Variants in OR2A25 observed in about 807,000 individuals in gnomAD.
The protein encoded by OR2A25 is olfactory receptor 2A25.
For missense variants in OR2A25, 362 were observed against 368.3 expected, an observed-to-expected ratio of 0.98 and a Z score of 0.14; for synonymous variants, 162 against 148.1, an observed-to-expected ratio of 1.09 and a Z score of -0.68.
chr7:144,075,149 A>G lies in OR2A25; in HGVS notation c.930A>G (p.Ser310=). ...LKRMLEKKRT[S] is the part of the protein sequence containing the mutation. The stretch of plus-strand genomic sequence containing the variant: ...GGATGCTTGAAAAGAAGAGAACTTC[A>G]TGAAAGCCTGAAAGAATAGTAAAAT... The change falls in exon 2 of 2, where the codon TCA becomes TCG. Residue 310 remains serine (S), a synonymous_variant. Coordinates refer to ENST00000641663, the MANE Select transcript of OR2A25 (RefSeq NM_001386096.1). 1 of 1,602,924 alleles carries G rather than the reference A, an allele frequency of 6.2e-7. No individual in the cohort carries two copies. The highest frequency in any genetic ancestry group is 1.7e-5 in the Admixed American group (1 of 58,284).
chr7:144,074,361 A>G lies in OR2A25; in HGVS notation c.142A>G (p.Ile48Val), dbSNP rs923941368. 6.2e-7 allele frequency: 1 copy of G among 1,613,888 alleles called. No individual in the cohort carries two copies. Among genetic ancestry groups the G allele is most frequent in the African/African-American group, 1.3e-5 (1 of 74,870 alleles). The part of the protein sequence containing the change: ...LLGNGTILGL[I>V]SLDSRLHTPM... The stretch of plus-strand genomic sequence containing the variant: ...GGGGAACGGGACAATCCTGGGGCTC[A>G]TCTCACTGGACTCCAGACTCCACAC... Residue 48 changes from isoleucine to valine, a missense_variant, in exon 2 of 2, where the codon ATC (isoleucine) becomes GTC (valine). Coordinates refer to ENST00000641663, the MANE Select transcript of OR2A25 (RefSeq NM_001386096.1).
rs753572932 is a variant in OR2A25 at position 144,074,859 on chromosome 7, G to A, written c.640G>A (p.Val214Ile). 2 of 1,614,034 alleles carry A rather than the reference G, an allele frequency of 1.2e-6. No homozygotes were observed. The highest frequency in any genetic ancestry group is 1.7e-5 in the Admixed American group (1 of 59,996). ...GCTGGTGGGAGCCTTCTTTTCCACT[G>A]TAATATCTTATGTTCATATTCTATG... ...SVLVGAFFST[V>I]ISYVHILCAI... Residue 214 changes from valine (V) to isoleucine (I), a missense_variant, in exon 2 of 2, where the codon GTA (valine) becomes ATA (isoleucine). Physicochemically the swap from Val to Ile is conservative, Grantham distance 29. Transcript: ENST00000641663.
chr7:144,070,308 T>C (rs1794371865), intron 1 of OR2A25: 1 of 152,164 alleles, frequency 6.6e-6, no homozygotes, highest in Non-Finnish European at 1.5e-5. Context: ...AGCTTACAGA[T>C]GCTTTTTACT....
intron 1 of OR2A25, among the ~76,000 whole-genome samples, chr7:144,070,887 C>T (rs916209505): frequency 2.0e-5 from 3 of 151,806 alleles, no homozygotes; most frequent in East Asian, 1.9e-4. Flanking sequence ...TGTTTTGATA[C>T]AGGCACGCAA....
intron 1 of OR2A25, among the ~76,000 whole-genome samples, chr7:144,071,306 CATA>C (rs1205543106): frequency 6.6e-6 from 1 of 152,068 alleles, no homozygotes; most frequent in Non-Finnish European, 1.5e-5. Context: ...TTTAATTTAA[CATA>C]ATGATTTCCA....
rs997176627 is a variant in OR2A25, at chr7:144,075,692, G to A, written c.*540G>A. 2 of 152,254 alleles carry A rather than the reference G, an allele frequency of 1.3e-5. No homozygotes were observed. Among genetic ancestry groups the A allele is most frequent in the Admixed American group, 6.6e-5 (1 of 15,256 alleles). The allele number at this position is 152,254 out of a possible 1,614,324, so 9.4% of individuals were successfully genotyped here. A position where few individuals can be genotyped will look rare whatever the true frequency, so the allele number is the denominator to read the frequency against. On this transcript the variant is annotated 3_prime_UTR_variant, in exon 2 of 2. Transcript: ENST00000641663. ...AAAATACAAAAAATTAGCCGGGCGTGTTGGCGGGCGCCTGTAGTCCCAGCT... is the reference window on the plus strand; with the variant it reads ...AAAATACAAAAAATTAGCCGGGCGTATTGGCGGGCGCCTGTAGTCCCAGCT...
In OR2A25 at chr7:144,074,341, A is replaced by G. The variant is rs1457508469; in HGVS notation, c.122A>G (p.Asn41Ser). ...TTCTACATCTTCATTCTGTTGGGGA[A>G]CGGGACAATCCTGGGGCTCATCTCA... is the stretch of plus-strand genomic sequence containing the variant. ...SLFYIFILLG[N>S]GTILGLISLD... is the part of the protein sequence containing the mutation. Residue 41 changes from asparagine to serine, a missense_variant, in exon 2 of 2, where the codon AAC becomes AGC. Physicochemically the swap from Asn to Ser is conservative, Grantham distance 46. Transcript: ENST00000641663. The G allele has an allele frequency of 1.9e-6, 3 of 1,613,872 alleles. No homozygotes were observed. The highest frequency in any genetic ancestry group is 2.5e-6 in the Non-Finnish European group (3 of 1,179,946).
rs2051089231 is a variant in OR2A25 at position 144,074,268 on chromosome 7, C to A, written c.49C>A (p.Pro17Thr). Residue 17 changes from proline (P) to threonine (T), a missense_variant, in exon 2 of 2, where the codon CCC becomes ACC. Physicochemically the swap from Pro to Thr is conservative, Grantham distance 38. Transcript: ENST00000641663. ...SITEFLLLGFPIGPRIQMLLF... is the reference protein window; with the variant it reads ...SITEFLLLGFTIGPRIQMLLF... ...CACAGAGTTCCTCCTACTGGGATTT[C>A]CCATTGGCCCAAGGATTCAGATGCT... The A allele has an allele frequency of 1.2e-6, 2 of 1,613,946 alleles. No homozygotes were observed. The highest frequency in any genetic ancestry group is 4.5e-5 in the East Asian group (2 of 44,862).
chr7:144,071,998 T>C (rs1231862051), intron 1 of OR2A25, among the ~76,000 whole-genome samples: 1 of 152,116 alleles, frequency 6.6e-6, no homozygotes, highest in Non-Finnish European at 1.5e-5. Context: ...TCATTCCTAA[T>C]AAAATTACTA....
chr7:144,072,446 ATATAAG>A (rs750665180), intron 1 of OR2A25, among the ~76,000 whole-genome samples: 9 of 152,122 alleles, frequency 5.9e-5, no homozygotes, highest in Non-Finnish European at 1.3e-4. Context: ...CATTCTATGA[ATATAAG>A]TATATGGTTA....
chr7:144,073,120 C>A (rs2051079625), intron 1 of OR2A25, among the ~76,000 whole-genome samples: 2 of 152,042 alleles, frequency 1.3e-5, no homozygotes, highest in African/African-American at 4.8e-5. Flanking sequence ...GAGAAGTTGA[C>A]TAATGAGTAC....
At chr7:144,073,234 G>T (rs1334363601) in intron 1 of OR2A25, among the ~76,000 whole-genome samples, 2 of 151,988 alleles carry the variant, frequency 1.3e-5, no homozygotes, top group Non-Finnish European at 2.9e-5. Context: ...AGCCAGAAGA[G>T]AATAATTTGA....
rs752809805 is a variant in OR2A25, at chr7:144,074,417, G to A, written c.198G>A (p.Ala66=). ...TGTACTTCTTCCTCTCACACCTGGCGGTCGTCGACATCGCCTGTGCTTGCA... is the reference window on the plus strand; with the variant it reads ...TGTACTTCTTCCTCTCACACCTGGCAGTCGTCGACATCGCCTGTGCTTGCA... ...TPMYFFLSHL[A]VVDIACACST... is the part of the protein sequence containing the mutation. The change falls in exon 2 of 2, where the codon GCG becomes GCA. Residue 66 remains alanine (A), a synonymous_variant. Coordinates refer to ENST00000641663, the MANE Select transcript of OR2A25 (RefSeq NM_001386096.1). 1.9e-5 allele frequency: 30 copies of A among 1,614,154 alleles called. No homozygotes were observed. The highest frequency in any genetic ancestry group is 8.9e-5 in the East Asian group (4 of 44,882).
At position 144,075,019 on chromosome 7, in the gene OR2A25, A is replaced by C; in HGVS notation, c.800A>C (p.Lys267Thr). The change falls in exon 2 of 2, where the codon AAG (lysine) becomes ACG (threonine). Residue 267 changes from lysine (K) to threonine (T), a missense_variant. Lys to Thr is a moderately conservative substitution (Grantham distance 78). Coordinates refer to ENST00000641663, the MANE Select transcript of OR2A25 (RefSeq NM_001386096.1). ...MYVEPQYESP[K>T]EQKKYLLLFH... is the part of the protein sequence containing the mutation. ...GTTGAGCCCCAGTATGAGAGCCCCA[A>C]GGAGCAGAAGAAATATCTCCTGCTG... is the stretch of plus-strand genomic sequence containing the variant. 6.2e-7 allele frequency: 1 copy of C among 1,614,170 alleles called. No individual in the cohort carries two copies. Among genetic ancestry groups the C allele is most frequent in the African/African-American group, 1.3e-5 (1 of 75,046 alleles).
chr7:144,072,140 C>G (rs1315632616), intron 1 of OR2A25, among the ~76,000 whole-genome samples: 1 of 152,024 alleles, frequency 6.6e-6, no homozygotes, highest in African/African-American at 2.4e-5. Flanking sequence ...CTGATGAAAT[C>G]TTTCAAATAT....
intron 1 of OR2A25, among the ~76,000 whole-genome samples, chr7:144,073,018 A>C (rs1221451501): frequency 6.6e-6 from 1 of 152,164 alleles, no homozygotes; most frequent in Non-Finnish European, 1.5e-5. Flanking sequence ...GTTTTCACTT[A>C]TATGTGGGAG....
intron 1 of OR2A25, among the ~76,000 whole-genome samples, chr7:144,070,635 GT>G (rs2051058884): frequency 6.6e-6 from 1 of 151,696 alleles, no homozygotes; most frequent in African/African-American, 2.4e-5. Flanking sequence ...TTTGTGGGGG[GT>G]TGCCTCATGT....
At chr7:144,070,738 G>C (rs2051059681) in intron 1 of OR2A25, among the ~76,000 whole-genome samples, 1 of 151,870 alleles carries the variant, frequency 6.6e-6, no homozygotes, top group South Asian at 2.1e-4. Flanking sequence ...GAAGAAGAGT[G>C]ACACAAAGGA....
At position 144,072,835 on chromosome 7, in the gene OR2A25, T is replaced by C. The variant is rs553436055; in HGVS notation, c.-4-1381T>C. Among the ~76,000 whole-genome samples the C allele has an allele frequency of 4.6e-5, 7 of 152,242 alleles. No individual in the cohort carries two copies. The South Asian group carries it at 8.3e-4, about 18-fold the overall frequency. ...TATTCACAGTAACCAAAATATGGAA[T>C]AAGCCTAAGTGCTCATCAATGAATG... On this transcript the variant is annotated intron_variant, in intron 1 of 1. Transcript: ENST00000641663.
Sources: gnomAD v4.1 joint callset for allele counts (sites outside exome capture counted in the v4.1 genomes callset) on GRCh38, gnomAD v4.1.1 for gene constraint, MANE v1.5 for transcripts, NCBI Gene and HGNC (gene_info 2026-07-23, HGNC 2026-07-21) for gene names.